The following CRB1 variants were observed in gnomAD, a reference collection of about 807,000 sequenced individuals.
CRB1 encodes protein crumbs homolog 1.
Under a neutral mutation model 120.0 loss-of-function variants are expected in CRB1, and 83 were observed. The ratio of observed to expected loss-of-function variants is 0.69; its 90% CI spans 0.58 to 0.83. The LOEUF (loss-of-function observed/expected upper bound fraction) is 0.83, where lower values mean the gene tolerates loss of function less well. Among genes scored for constraint, CRB1 ranks in the 40% least tolerant of loss-of-function variants. CRB1 has a pLI of 0.00. For missense variants in CRB1, 1,699 were observed against 1,687.6 expected, an observed-to-expected ratio of 1.01 and a Z score of -0.12; for synonymous variants, 625 against 612.5, an observed-to-expected ratio of 1.02 and a Z score of -0.30.
At chr1:197,294,384 T>G (rs1656387261) in intron 1 of CRB1, among the ~76,000 whole-genome samples, 1 of 152,062 alleles carries the variant, frequency 6.6e-6, no homozygotes, top group Admixed American at 6.6e-5. Context: ...TCACACCAGT[T>G]AGAATGGCGA....
chr1:197,422,324 A>C (rs1664378299), intron 6 of CRB1, among the ~76,000 whole-genome samples: 1 of 150,012 alleles, frequency 6.7e-6, no homozygotes, highest in Admixed American at 6.7e-5. Flanking sequence ...AAAAAAAAAA[A>C]CCTTAGACAT....
intron 2 of CRB1, among the ~76,000 whole-genome samples, chr1:197,341,577 C>T (rs1323300349): frequency 2.6e-5 from 4 of 151,954 alleles, no homozygotes; most frequent in Non-Finnish European, 5.9e-5. Flanking sequence ...TCTGGAGGTA[C>T]AGAATGCTAA....
At chr1:197,325,199 G>A (rs564556177) in intron 1 of CRB1, among the ~76,000 whole-genome samples, 3 of 152,092 alleles carry the variant, frequency 2.0e-5, no homozygotes, top group South Asian at 2.1e-4. Context: ...CTCCTGCACC[G>A]CCTCCCTCCC....
chr1:197,312,418 A>G (rs1657586040), intron 1 of CRB1, among the ~76,000 whole-genome samples: 1 of 152,044 alleles, frequency 6.6e-6, no homozygotes, highest in African/African-American at 2.4e-5. Context: ...ACAAAAAAAC[A>G]AAACAAACAA....
At chr1:197,292,605 A>T (rs986668200) in intron 1 of CRB1, among the ~76,000 whole-genome samples, 1 of 151,988 alleles carries the variant, frequency 6.6e-6, no homozygotes, top group Admixed American at 6.6e-5. Flanking sequence ...AGACACAACA[A>T]AAAAAAGAGA....
At chr1:197,380,318 A>G (rs988397134) in intron 5 of CRB1, among the ~76,000 whole-genome samples, 69 of 152,314 alleles carry the variant, frequency 4.5e-4, no homozygotes, top group African/African-American at 1.4e-3. Flanking sequence ...CTCCAACACA[A>G]TTCATTATAT....
At chr1:197,219,781 C>T in the CRB1 span, among the ~76,000 whole-genome samples, 47 of 152,258 alleles carry the variant, frequency 3.1e-4, no homozygotes, top group African/African-American at 1.1e-3. Context: ...TACTATGTTT[C>T]CCTCTCTCTG....
At chr1:197,419,808 A>AT (rs1256182168) in intron 5 of CRB1, among the ~76,000 whole-genome samples, 1 of 47,718 alleles carries the variant, frequency 2.1e-5, no homozygotes, top group African/African-American at 8.6e-5. Flanking sequence ...CCCCATCTCT[A>AT]CAAAAAAAAA....
intron 5 of CRB1, among the ~76,000 whole-genome samples, chr1:197,400,127 A>G (rs1662984724): frequency 6.6e-6 from 1 of 152,078 alleles, no homozygotes. Flanking sequence ...CAAAAGATTC[A>G]CTAGATGCCT....
chr1:197,469,421 G>A (rs1666886190), intron 11 of CRB1, among the ~76,000 whole-genome samples: 2 of 152,120 alleles, frequency 1.3e-5, no homozygotes, highest in South Asian at 4.1e-4. Flanking sequence ...ATTGGGCCAG[G>A]ATTGTGACTG....
intron 1 of CRB1, among the ~76,000 whole-genome samples, chr1:197,291,064 C>A (rs920361947): frequency 6.6e-6 from 1 of 151,688 alleles, no homozygotes; most frequent in Admixed American, 6.6e-5. Context: ...ACTAGTTCAA[C>A]GTTTGTAAAC....
intron 5 of CRB1, among the ~76,000 whole-genome samples, chr1:197,373,442 G>A (rs1661477788): frequency 6.6e-6 from 1 of 152,140 alleles, no homozygotes; most frequent in Non-Finnish European, 1.5e-5. Flanking sequence ...GCTGACATGA[G>A]GTTGTCACTA....
At chr1:197,243,357 C>G in the CRB1 span, among the ~76,000 whole-genome samples, 6 of 152,126 alleles carry the variant, frequency 3.9e-5, no homozygotes, top group African/African-American at 1.4e-4. Flanking sequence ...AGCATTGTCC[C>G]AGAGATTCTG....
At chr1:197,419,348 G>C (rs982201774) in intron 5 of CRB1, among the ~76,000 whole-genome samples, 4 of 142,324 alleles carry the variant, frequency 2.8e-5, no homozygotes, top group African/African-American at 1.0e-4. Flanking sequence ...AAAAAACTGT[G>C]TGTCAGATTG....
Position 197,435,254 on chromosome 1 carries a change from A to C in CRB1, c.3391A>C (p.Asn1131His), listed in dbSNP as rs763927373. Residue 1131 changes from asparagine to histidine, a missense_variant, in exon 9 of 12, where the codon AAT becomes CAT. Asn to His is a moderately conservative substitution (Grantham distance 68). Transcript: ENST00000367400. The stretch of plus-strand genomic sequence containing the variant: ...AGAGCAATTTCTCAAAATCTCTACC[A>C]ATTCAGTGGTCACTGGCTGTTTGCA... Reference protein sequence around the residue: ...QEEQFLKISTNSVVTGCLQLN... With the variant: ...QEEQFLKISTHSVVTGCLQLN... The C allele has an allele frequency of 6.2e-7, 1 of 1,613,794 alleles. No homozygotes were observed. Among genetic ancestry groups the C allele is most frequent in the African/African-American group, 1.3e-5 (1 of 74,918 alleles).
At chr1:197,382,474 A>G (rs531051610) in intron 5 of CRB1, among the ~76,000 whole-genome samples, 3 of 152,226 alleles carry the variant, frequency 2.0e-5, no homozygotes, top group Admixed American at 2.0e-4. Flanking sequence ...TTGATAATTC[A>G]TCCAGTAATT....
chr1:197,411,661 A>G (rs555591214), intron 5 of CRB1, among the ~76,000 whole-genome samples: 1 of 152,066 alleles, frequency 6.6e-6, no homozygotes, highest in Admixed American at 6.5e-5. Context: ...CCTTTTGTAC[A>G]TCACTCTGAT....
rs1443651380 is a variant in CRB1 at position 197,438,616 on chromosome 1, C to A, written c.3819C>A (p.Asn1273Lys). 6.2e-7 allele frequency: 1 copy of A among 1,613,020 alleles called. No individual in the cohort carries two copies. Among genetic ancestry groups the A allele is most frequent in the Non-Finnish European group, 8.5e-7 (1 of 1,179,162 alleles). The change falls in exon 10 of 12, where the codon AAC becomes AAA. Residue 1273 changes from asparagine (N) to lysine (K), a missense_variant. By Grantham distance (94) the Asn-to-Lys change is moderately conservative (BLOSUM62 0). Coordinates refer to ENST00000367400, the MANE Select transcript of CRB1 (RefSeq NM_201253.3). ...ATCTCACTTGCTACAATGGAGGCAA[C>A]TGCACAGAGTTCCAGACTGAATTAA... is the stretch of plus-strand genomic sequence containing the variant. ...KTNLTCYNGG[N>K]CTEFQTELKC... is the part of the protein sequence containing the mutation.
intron 5 of CRB1, among the ~76,000 whole-genome samples, chr1:197,395,183 A>G (rs1402770036): frequency 1.3e-5 from 2 of 152,144 alleles, no homozygotes; most frequent in African/African-American, 4.8e-5. Context: ...AAACTAAAAG[A>G]AATTACTGTT....
Sources: gnomAD v4.1 joint callset for allele counts (sites outside exome capture counted in the v4.1 genomes callset) on GRCh38, gnomAD v4.1.1 for gene constraint, MANE v1.5 for transcripts, NCBI Gene and HGNC (gene_info 2026-07-23, HGNC 2026-07-21) for gene names.